The following CDK5RAP2 variants were observed in gnomAD, a reference collection of about 807,000 sequenced individuals.
CDK5RAP2 encodes the protein CDK5 regulatory subunit-associated protein 2.
Under a neutral mutation model 232.9 loss-of-function variants are expected in CDK5RAP2, and 147 were observed. The observed-to-expected ratio is 0.63, with a 90% CI of 0.55 to 0.72. The LOEUF is 0.72. Ranked by LOEUF, CDK5RAP2 falls within the 30% of genes least tolerant of loss-of-function variation. The pLI is 0.00. For missense variants in CDK5RAP2, 2,195 were observed against 2,231.5 expected, an observed-to-expected ratio of 0.98 and a Z score of 0.33; for synonymous variants, 833 against 833.7, an observed-to-expected ratio of 1.00 and a Z score of 0.01.
chr9:120,550,961 T>C, intron 3 of CDK5RAP2, 59 bp from the exon 4 acceptor site: 4 of 938,122 alleles, frequency 4.3e-6, no homozygotes, highest in Admixed American at 1.7e-5. Context: ...GTCCAACAGA[T>C]AGTACATACA....
At position 120,528,750 on chromosome 9, in the gene CDK5RAP2, C is replaced by T. The variant is rs1588577404; in HGVS notation, c.873G>A (p.Arg291=). ...TAAAATTGTATCAACATACCTGGAT[C>T]CTCTCTTCAAAGCTGTTTCTCTCCT... ...HQKERNSFEE[R]IQALEEDLRE... Residue 291 remains arginine, a synonymous_variant, in exon 9 of 38, where the codon AGG becomes AGA. Coordinates refer to ENST00000349780, the MANE Select transcript of CDK5RAP2 (RefSeq NM_018249.6). The T allele has an allele frequency of 6.3e-7, 1 of 1,597,040 alleles. No individual in the cohort carries two copies. Among genetic ancestry groups the T allele is most frequent in the African/African-American group, 1.3e-5 (1 of 74,834 alleles).
At chr9:120,470,354 A>G in intron 16 of CDK5RAP2, 134 bp from the exon 17 acceptor site, 1 of 595,762 alleles carries the variant, frequency 1.7e-6, no homozygotes, top group East Asian at 2.8e-5. Context: ...GGAAGGGAGC[A>G]TAGTACACAG....
rs545235391 is a variant in CDK5RAP2, at chr9:120,439,557, C to A, written c.3564G>T (p.Pro1188=). Residue 1188 remains proline (P), a synonymous_variant, in exon 24 of 38, where the codon CCG becomes CCT. Transcript: ENST00000349780. ...TGCTGTCAATCATCTCTGGGGCCAGCGGACCGAGGATTTTCACGTGTTTCA... is the reference window on the plus strand; with the variant it reads ...TGCTGTCAATCATCTCTGGGGCCAGAGGACCGAGGATTTTCACGTGTTTCA... ...RYVKHVKILG[P]LAPEMIDSRV... 1.2e-6 allele frequency: 2 copies of A among 1,614,210 alleles called. No homozygotes were observed. The highest frequency in any genetic ancestry group is 1.7e-6 in the Non-Finnish European group (2 of 1,180,024).
rs375918071 is a variant in CDK5RAP2, at chr9:120,471,915, C to T, written c.1728-37G>A. ...AAGACACCAGAAGTTTTAAAACAGA[C>T]CTATTTGTACTTTTAGATGCAAAGC... On this transcript the variant is annotated intron_variant, in intron 15 of 37. Coordinates refer to ENST00000349780, the MANE Select transcript of CDK5RAP2 (RefSeq NM_018249.6). The T allele has an allele frequency of 2.6e-5, 42 of 1,613,246 alleles. No homozygotes were observed. The South Asian group carries it at 4.1e-4, about 16-fold the overall frequency.
At chr9:120,546,246 T>C (rs2041837731) in intron 4 of CDK5RAP2, among the ~76,000 whole-genome samples, 1 of 152,014 alleles carries the variant, frequency 6.6e-6, no homozygotes, top group Non-Finnish European at 1.5e-5. Flanking sequence ...ATAAAACATG[T>C]GGATGGAAAA....
chr9:120,489,011 A>G (rs1348944395), intron 13 of CDK5RAP2, among the ~76,000 whole-genome samples: 2 of 152,208 alleles, frequency 1.3e-5, no homozygotes, highest in Non-Finnish European at 2.9e-5. Flanking sequence ...GAATCATCCT[A>G]CGAGAGCTTC....
chr9:120,434,960 C>T (rs1235450256), intron 25 of CDK5RAP2, among the ~76,000 whole-genome samples: 1 of 152,146 alleles, frequency 6.6e-6, no homozygotes, highest in East Asian at 1.9e-4. Flanking sequence ...ATAATGACTT[C>T]ACACAGCAAT....
chr9:120,498,599 A>G (rs552186308), intron 12 of CDK5RAP2, among the ~76,000 whole-genome samples: 1 of 152,298 alleles, frequency 6.6e-6, no homozygotes, highest in African/African-American at 2.4e-5. Context: ...ATTTCCTGAT[A>G]CTGGTAAGTA....
intron 13 of CDK5RAP2, among the ~76,000 whole-genome samples, chr9:120,491,056 CAGA>C (rs2131634752): frequency 1.3e-5 from 2 of 152,272 alleles, no homozygotes; most frequent in African/African-American, 4.8e-5. Context: ...CAAAACAAGC[CAGA>C]GTGTGAATCC....
At chr9:120,518,165 CTGTGTGTGTGTGTGTGTGTGTG>C (rs56032707) in intron 12 of CDK5RAP2, among the ~76,000 whole-genome samples, 1 of 111,180 alleles carries the variant, frequency 9.0e-6, no homozygotes, top group South Asian at 3.8e-4. Flanking sequence ...GATAACAACT[CTGTGTGTGTGTGTGTGTGTGTG>C]TGTGTGTGTG....
At chr9:120,480,031 G>A (rs541998203) in intron 14 of CDK5RAP2, among the ~76,000 whole-genome samples, 2 of 152,226 alleles carry the variant, frequency 1.3e-5, no homozygotes, top group East Asian at 3.9e-4. Context: ...CTTTATTTTT[G>A]TATTTTTCTA....
At chr9:120,482,056 C>T (rs1314872966) in intron 14 of CDK5RAP2, among the ~76,000 whole-genome samples, 2 of 152,202 alleles carry the variant, frequency 1.3e-5, no homozygotes, top group Non-Finnish European at 2.9e-5. Flanking sequence ...GATGATGAAA[C>T]TGACTCTCTG....
chr9:120,578,125 C>T (rs1318786624), intron 1 of CDK5RAP2, among the ~76,000 whole-genome samples: 3 of 152,132 alleles, frequency 2.0e-5, no homozygotes, highest in East Asian at 3.9e-4. Context: ...AAATTAGCCA[C>T]GCACGGTGGT....
chr9:120,389,777 G>A lies in CDK5RAP2; in HGVS notation c.5589C>T (p.Thr1863=), dbSNP rs753714459. The change falls in exon 37 of 38, where the codon ACC becomes ACT. Residue 1863 remains threonine, a synonymous_variant. Transcript: ENST00000349780. The part of the protein sequence containing the change: ...EKVIFDQLVV[T]HKILRKARGN... ...CTCTGGCCTTCCGAAGGATTTTGTG[G>A]GTTACGACCACTGAGGAGAGAGCAA... 2.5e-6 allele frequency: 4 copies of A among 1,614,124 alleles called. No individual in the cohort carries two copies. The highest frequency in any genetic ancestry group is 1.7e-4 in the Middle Eastern group (1 of 6,060).
chr9:120,486,362 C>T (rs1458300179), intron 14 of CDK5RAP2, among the ~76,000 whole-genome samples: 2 of 149,098 alleles, frequency 1.3e-5, no homozygotes, highest in African/African-American at 2.5e-5. Flanking sequence ...CATAAGAGTT[C>T]TCTATCTTCC....
At chr9:120,448,872 C>T (rs2036340323) in intron 21 of CDK5RAP2, among the ~76,000 whole-genome samples, 1 of 152,198 alleles carries the variant, frequency 6.6e-6, no homozygotes, top group Non-Finnish European at 1.5e-5. Context: ...CCACTGCTAC[C>T]ACTCAACTCC....
At position 120,525,085 on chromosome 9, in the gene CDK5RAP2, A is replaced by G; in HGVS notation, c.1000-7T>C. The G allele has an allele frequency of 6.2e-7, 1 of 1,607,676 alleles. No homozygotes were observed. The highest frequency in any genetic ancestry group is 8.5e-7 in the Non-Finnish European group (1 of 1,174,260). On this transcript the variant is annotated splice_region_variant and splice_polypyrimidine_tract_variant and intron_variant, in intron 10 of 37. Coordinates refer to ENST00000349780, the MANE Select transcript of CDK5RAP2 (RefSeq NM_018249.6). ...CAGAGTTAAGTTCTTCAACCTGGGG[A>G]AAAATAATGAATACCAGCCAAGTAT...
In CDK5RAP2 at chr9:120,560,680, G is replaced by A. The variant is rs577261379; in HGVS notation, c.195+7641C>T. 2.8e-4 allele frequency among the ~76,000 whole-genome samples: 43 copies of A among 152,134 alleles called. 1 individual carries two copies. Among genetic ancestry groups the A allele is most frequent in the African/African-American group, 8.7e-4 (36 of 41,510 alleles). On this transcript the variant is annotated intron_variant, in intron 3 of 37. Coordinates refer to ENST00000349780, the MANE Select transcript of CDK5RAP2 (RefSeq NM_018249.6). ...CACCTAGGTTGGAGTGCAGTGGCGC[G>A]ATCTCGGCTCACTGCAACCTCCGCC...
intron 29 of CDK5RAP2, 39 bp from the exon 30 acceptor site, chr9:120,409,355 T>C (rs1338899553): frequency 1.3e-6 from 2 of 1,488,170 alleles, no homozygotes; most frequent in Non-Finnish European, 1.8e-6. Context: ...AGGGCCACCA[T>C]TTGTTTTTTC....
Sources: allele counts gnomAD v4.1 joint callset (sites outside exome capture counted in the v4.1 genomes callset), GRCh38; gene constraint gnomAD v4.1.1; transcripts MANE v1.5; gene names NCBI Gene and HGNC (gene_info 2026-07-23, HGNC 2026-07-21).